The following MYO1H variants were observed in gnomAD, a reference collection of about 807,000 sequenced individuals.
MYO1H encodes the protein unconventional myosin-Ih.
Under a neutral mutation model 149.3 loss-of-function variants are expected in MYO1H, and 118 were observed. The ratio of observed to expected loss-of-function variants is 0.79; its 90% CI spans 0.68 to 0.92. MYO1H has a LOEUF of 0.92. Ranked by LOEUF, MYO1H falls within the 40% of genes least tolerant of loss-of-function variation. MYO1H has a pLI of 0.00. For missense variants in MYO1H, 1,212 were observed against 1,280.7 expected (o/e 0.95, Z 0.82); for synonymous variants, 447 against 465.2 (o/e 0.96, Z 0.50).
At chr12:109,444,142 G>A (rs768034447) in intron 28 of MYO1H, 71 bp from the exon 29 acceptor site, 233 of 1,164,408 alleles carry the variant, frequency 2.0e-4, no homozygotes, top group Non-Finnish European at 2.4e-4. Flanking sequence ...GCCCCTGGGC[G>A]TATCTCTTCT....
chr12:109,441,318 C>T (rs1159343715), intron 25 of MYO1H, among the ~76,000 whole-genome samples: 4 of 152,170 alleles, frequency 2.6e-5, no homozygotes, highest in Non-Finnish European at 5.9e-5. Context: ...CTGAGTTTGG[C>T]CTGCAGGCTG....
intron 1 of MYO1H, among the ~76,000 whole-genome samples, chr12:109,354,618 T>TTAAAAAAAAA (rs558745249): frequency 5.9e-5 from 7 of 119,394 alleles, no homozygotes; most frequent in Admixed American, 3.6e-4. Flanking sequence ...AGACTCTGTC[T>TTAAAAAAAAA]AAAAAAAAAA....
chr12:109,365,614 G>A (rs1868850387), intron 1 of MYO1H, among the ~76,000 whole-genome samples: 1 of 152,170 alleles, frequency 6.6e-6, no homozygotes, highest in South Asian at 2.1e-4. Context: ...CTTACCATCT[G>A]TGGGTCTTAG....
rs190825895 is a variant in MYO1H, at chr12:109,438,192, A to G, written c.2210-344A>G. On this transcript the variant is annotated intron_variant, in intron 22 of 31. Coordinates refer to ENST00000310903, the Ensembl canonical transcript of MYO1H. ...TTTAAATGTAGACAACTAAAAGTAA[A>G]CCCCAGTGAGACTAAACATGGTGGT... Among the ~76,000 whole-genome samples the G allele has an allele frequency of 7.2e-5, 11 of 152,062 alleles. 1 individual carries two copies. Among genetic ancestry groups the G allele is most frequent in the Admixed American group, 6.6e-4 (10 of 15,258 alleles).
At chr12:109,407,481 G>A (rs960601966) in intron 9 of MYO1H, among the ~76,000 whole-genome samples, 3 of 151,370 alleles carry the variant, frequency 2.0e-5, no homozygotes, top group African/African-American at 7.3e-5. Context: ...TTAAACACTA[G>A]TTCAAGACTG....
rs1238801646 is a variant in MYO1H at position 109,438,522 on chromosome 12, G to A, written c.2210-14G>A. The A allele has an allele frequency of 6.2e-7, 1 of 1,607,958 alleles. No individual in the cohort carries two copies. Among genetic ancestry groups the A allele is most frequent in the Admixed American group, 1.7e-5 (1 of 59,754 alleles). ...TTGTGCTCACCTTCTAATGCCAGCA[G>A]TGAACTCTTTCAGCCATCAAACTGG... On this transcript the variant is annotated splice_polypyrimidine_tract_variant and intron_variant, in intron 22 of 31. Transcript: ENST00000310903.
At chr12:109,349,804 C>CA (rs1207172965) in intron 1 of MYO1H, among the ~76,000 whole-genome samples, 1 of 150,790 alleles carries the variant, frequency 6.6e-6, no homozygotes, top group Non-Finnish European at 1.5e-5. Context: ...ACTAAAAATA[C>CA]AAAAAAATTA....
At chr12:109,410,814 C>G (rs1389240867) in intron 13 of MYO1H, 46 bp downstream of exon 13, 1 of 1,285,612 alleles carries the variant, frequency 7.8e-7, no homozygotes, top group South Asian at 1.3e-5. Context: ...CCGGCACTTA[C>G]AACTCTTGGA....
At chr12:109,348,643 A>T (rs950057196) in intron 1 of MYO1H, among the ~76,000 whole-genome samples, 1 of 152,228 alleles carries the variant, frequency 6.6e-6, no homozygotes, top group African/African-American at 2.4e-5. Flanking sequence ...TCCTGGGAAG[A>T]TGGAAGACAG....
In MYO1H at chr12:109,438,560, G is replaced by A. The variant is rs190693741; in HGVS notation, c.2234G>A (p.Arg745His). Residue 745 changes from arginine to histidine, a missense_variant, in exon 23 of 32, where the codon CGT becomes CAT. Arg to His is a conservative substitution (Grantham distance 29). Transcript: ENST00000310903. Reference sequence around the variant, plus strand: ...GCCATCAAACTGGAAGCCCACTGGCGTGGGGCCCTGGCTCGGAAGGCAATC... The same window carrying A: ...GCCATCAAACTGGAAGCCCACTGGCATGGGGCCCTGGCTCGGAAGGCAATC... The A allele has an allele frequency of 9.6e-5, 155 of 1,613,486 alleles. No individual in the cohort carries two copies. Among genetic ancestry groups the A allele is most frequent in the Middle Eastern group, 1.7e-4 (1 of 6,046 alleles).
intron 8 of MYO1H, 136 bp from the exon 9 acceptor site, chr12:109,406,653 A>T: frequency 1.3e-6 from 1 of 758,000 alleles, no homozygotes; most frequent in Non-Finnish European, 2.1e-6. Flanking sequence ...TTGTCTGAAA[A>T]AAAGTTACAA....
At chr12:109,446,926 T>C (rs537809341) in intron 31 of MYO1H, 178 of 594,956 alleles carry the variant, frequency 3.0e-4, no homozygotes, top group Non-Finnish European at 3.3e-4. Flanking sequence ...TGTGTCTCTC[T>C]CCTCTGGAGT....
chr12:109,382,613 C>T (rs969876912), intron 1 of MYO1H, among the ~76,000 whole-genome samples: 5 of 151,866 alleles, frequency 3.3e-5, no homozygotes, highest in Non-Finnish European at 7.4e-5. Flanking sequence ...TATATAAGTG[C>T]ATGTATAGTT....
At chr12:109,447,075 T>C in intron 31 of MYO1H, 84 bp from the exon 32 acceptor site, 2 of 1,355,394 alleles carry the variant, frequency 1.5e-6, no homozygotes, top group African/African-American at 2.9e-5. Flanking sequence ...ACCTTGCTAA[T>C]GGTGACAGTT....
chr12:109,424,469 T>G (rs1212430854), intron 16 of MYO1H, among the ~76,000 whole-genome samples: 3 of 152,216 alleles, frequency 2.0e-5, no homozygotes, highest in Non-Finnish European at 4.4e-5. Context: ...GATCATTTCT[T>G]AAACAGCCAG....
chr12:109,393,071 G>T (rs916414784), intron 2 of MYO1H, among the ~76,000 whole-genome samples: 2 of 152,040 alleles, frequency 1.3e-5, no homozygotes, highest in East Asian at 3.9e-4. Context: ...GCCTCCCAAA[G>T]TGCTGGGATT....
chr12:109,403,668 A>G (rs1264339608), intron 6 of MYO1H, among the ~76,000 whole-genome samples: 1 of 135,696 alleles, frequency 7.4e-6, no homozygotes, highest in Non-Finnish European at 1.8e-5. Flanking sequence ...ATTTCTTGAG[A>G]CAAACAGCTT....
At chr12:109,314,428 A>G in the MYO1H span, among the ~76,000 whole-genome samples, 7 of 152,164 alleles carry the variant, frequency 4.6e-5, no homozygotes, top group Non-Finnish European at 8.8e-5. Flanking sequence ...TCCATGATAT[A>G]TTAACACAGT....
Position 109,422,503 on chromosome 12 carries a change from C to T in MYO1H, c.1644+1476C>T, listed in dbSNP as rs530347065. ...TAGCTGTGGAGAACACTGGAGTGGACGTGTCTGGTTAACAAATGGGCGACA... is the reference window on the plus strand; with the variant it reads ...TAGCTGTGGAGAACACTGGAGTGGATGTGTCTGGTTAACAAATGGGCGACA... On this transcript the variant is annotated intron_variant, in intron 16 of 31. Transcript: ENST00000310903. 4.6e-5 allele frequency among the ~76,000 whole-genome samples: 7 copies of T among 152,276 alleles called. No individual in the cohort carries two copies. In the South Asian group the frequency reaches 1.0e-3, roughly 23 times the overall value.
Sources: allele counts gnomAD v4.1 joint callset (sites outside exome capture counted in the v4.1 genomes callset), GRCh38; gene constraint gnomAD v4.1.1; transcripts MANE v1.5; gene names NCBI Gene and HGNC (gene_info 2026-07-23, HGNC 2026-07-21).